PPP2R2C: variants seen among roughly 807,000 people sequenced by gnomAD.
PPP2R2C encodes the protein protein phosphatase 2, regulatory subunit B, gamma.
A neutral mutation model predicts 45.3 loss-of-function variants in PPP2R2C; 10 were observed. The observed-to-expected ratio is 0.22, with a 90% confidence interval of 0.14 to 0.37. The LOEUF is 0.37. Ranked by LOEUF, PPP2R2C falls within the 10% of genes least tolerant of loss-of-function variation. The pLI is 1.00. For synonymous variants in PPP2R2C, 257 were observed against 245.4 expected (o/e 1.05, Z -0.44); for missense variants, 308 against 619.7 (o/e 0.50, Z 5.34).
intron 1 of PPP2R2C, among the ~76,000 whole-genome samples, chr4:6,391,816 C>T (rs1716665117): frequency 6.6e-6 from 1 of 152,222 alleles, no homozygotes; most frequent in African/African-American, 2.4e-5. Flanking sequence ...CAGTGATCCC[C>T]CAGAACTGCC....
chr4:6,548,632 T>C (rs986548175), intron 1 of PPP2R2C, among the ~76,000 whole-genome samples: 5 of 152,236 alleles, frequency 3.3e-5, no homozygotes, highest in African/African-American at 4.8e-5. Context: ...CAAGTGTGAC[T>C]GACCCTCTCA....
chr4:6,396,428 G>C (rs909849773), intron 1 of PPP2R2C, among the ~76,000 whole-genome samples: 7 of 152,212 alleles, frequency 4.6e-5, no homozygotes, highest in Non-Finnish European at 1.0e-4. Flanking sequence ...GGCTGACGGA[G>C]ATAGGCAGGT....
chr4:6,470,650 C>T (rs1430496342), intron 1 of PPP2R2C, among the ~76,000 whole-genome samples: 1 of 152,232 alleles, frequency 6.6e-6, no homozygotes. Context: ...TTCCTCCAAC[C>T]CTCTGTCGCT....
At chr4:6,518,922 TAAAAAAAAAAAAAAAA>T (rs56002128) in intron 2 of PPP2R2C, among the ~76,000 whole-genome samples, 11 of 92,902 alleles carry the variant, frequency 1.2e-4, no homozygotes, top group East Asian at 4.6e-4. Context: ...GACTCTGTCT[TAAAAAAAAAAAAAAAA>T]AAAAAAAAAA....
chr4:6,371,290 T>C (rs1006645753), intron 5 of PPP2R2C, among the ~76,000 whole-genome samples: 1 of 152,204 alleles, frequency 6.6e-6, no homozygotes, highest in African/African-American at 2.4e-5. Context: ...CTTCCCGCTG[T>C]TTTCCAAGGG....
At chr4:6,551,945 G>A (rs867134359) in intron 1 of PPP2R2C, among the ~76,000 whole-genome samples, 1 of 152,236 alleles carries the variant, frequency 6.6e-6, no homozygotes, top group Non-Finnish European at 1.5e-5. Flanking sequence ...GGGATCATTT[G>A]TTAGGAAGCC....
At chr4:6,399,873 T>C (rs1238477587) in intron 1 of PPP2R2C, among the ~76,000 whole-genome samples, 2 of 152,212 alleles carry the variant, frequency 1.3e-5, no homozygotes, top group African/African-American at 4.8e-5. Context: ...AGTCTGTGGC[T>C]GATTGAAACC....
intron 5 of PPP2R2C, among the ~76,000 whole-genome samples, chr4:6,351,646 C>T (rs1252057174): frequency 6.6e-6 from 1 of 152,194 alleles, no homozygotes; most frequent in Non-Finnish European, 1.5e-5. Context: ...GGCCCTGCAT[C>T]CACATCACCC....
At chr4:6,553,327 C>G (rs1324955651) in intron 1 of PPP2R2C, among the ~76,000 whole-genome samples, 1 of 152,268 alleles carries the variant, frequency 6.6e-6, no homozygotes, top group African/African-American at 2.4e-5. Flanking sequence ...GGGCACCACA[C>G]TGGACAGAGA....
At chr4:6,408,068 C>T (rs1467316564) in intron 1 of PPP2R2C, among the ~76,000 whole-genome samples, 3 of 152,132 alleles carry the variant, frequency 2.0e-5, no homozygotes, top group Admixed American at 6.5e-5. Context: ...ACGTGCATAA[C>T]CTGGCTATCA....
Position 6,331,174 on chromosome 4 carries a change from G to C in PPP2R2C, c.961-1821C>G, listed in dbSNP as rs147168230. The stretch of plus-strand genomic sequence containing the variant: ...GCTCCCAGCAGCCTTGGTGATGCAC[G>C]CGTCCAAATGCGCATGCTGTTCTCT... On this transcript the variant is annotated intron_variant, in intron 7 of 8. Transcript: ENST00000382599. This position sits in a 1 kb window ranked among gnomAD's most constrained non-coding sequence, Gnocchi z 5.9. Among the ~76,000 whole-genome samples the C allele has an allele frequency of 4.5e-3, 690 of 152,306 alleles. 3 individuals carry two copies. The highest frequency in any genetic ancestry group is 0.016 in the African/African-American group (646 of 41,542).
intron 6 of PPP2R2C, among the ~76,000 whole-genome samples, chr4:6,337,110 G>A (rs56155220): frequency 0.16 from 6,368 of 40,268 alleles, 763 homozygotes; most frequent in East Asian, 0.22. Context: ...GTATGTGTGT[G>A]TGTATATATA....
rs533979592 is a variant in PPP2R2C, at chr4:6,342,797, G to A, written c.790+5049C>T. On this transcript the variant is annotated intron_variant, in intron 6 of 8. Transcript: ENST00000382599. Reference sequence around the variant, plus strand: ...CTTCGGAGAAAGGTGGGAAGCTGCAGAGGGAACAGAGTGGCCTGTGTGCCC... The same window carrying A: ...CTTCGGAGAAAGGTGGGAAGCTGCAAAGGGAACAGAGTGGCCTGTGTGCCC... Among the ~76,000 whole-genome samples, 18 of 152,348 alleles carry A rather than the reference G, an allele frequency of 1.2e-4. No individual in the cohort carries two copies. In the East Asian group the frequency reaches 3.5e-3, roughly 29 times the overall value.
At chr4:6,470,194 T>C (rs1450329398) in intron 1 of PPP2R2C, among the ~76,000 whole-genome samples, 1 of 152,192 alleles carries the variant, frequency 6.6e-6, no homozygotes, top group Non-Finnish European at 1.5e-5. Flanking sequence ...CAAGGTCATA[T>C]AGCTCCCTGA....
At chr4:6,396,460 C>A (rs1717038774) in intron 1 of PPP2R2C, among the ~76,000 whole-genome samples, 1 of 152,206 alleles carries the variant, frequency 6.6e-6, no homozygotes, top group Admixed American at 6.5e-5. Context: ...CCTAACCCAG[C>A]TGCTGCCCAT....
intron 1 of PPP2R2C, among the ~76,000 whole-genome samples, chr4:6,539,767 C>A (rs536721771): frequency 6.6e-6 from 1 of 152,152 alleles, no homozygotes; most frequent in Non-Finnish European, 1.5e-5. Flanking sequence ...TCCCGATTAC[C>A]CTCGCTCAGC....
At chr4:6,413,755 G>T in intron 1 of PPP2R2C, 1 of 998,366 alleles carries the variant, frequency 1.0e-6, no homozygotes, top group Non-Finnish European at 1.4e-6. Context: ...CCTGGTGGTG[G>T]CAGCTGGGGT....
At chr4:6,488,792 AG>A (rs35947213) in intron 2 of PPP2R2C, among the ~76,000 whole-genome samples, 67,194 of 146,160 alleles carry the variant, frequency 0.46, 15,362 homozygotes, top group Middle Eastern at 0.54. Context: ...CCTCCTACTG[AG>A]GCAAGACTTT....
intron 1 of PPP2R2C, among the ~76,000 whole-genome samples, chr4:6,428,977 T>C (rs1216641457): frequency 3.3e-5 from 5 of 152,242 alleles, no homozygotes; most frequent in Non-Finnish European, 4.4e-5. Context: ...AGCAAATTCT[T>C]TCTGCAAAGG....
Sources: gnomAD v4.1 joint callset for allele counts (sites outside exome capture counted in the v4.1 genomes callset) on GRCh38, gnomAD v4.1.1 for gene constraint, Gnocchi (gnomAD v3.1) non-coding constraint, MANE v1.5 for transcripts, NCBI Gene and HGNC (gene_info 2026-07-23, HGNC 2026-07-21) for gene names.